HPSE2: variants seen among roughly 807,000 people sequenced by gnomAD.
HPSE2 encodes the protein heparanase 2 (inactive), also known as inactive heparanase-2.
A neutral mutation model predicts 60.5 loss-of-function variants in HPSE2; 38 were observed. The observed-to-expected ratio is 0.63, with a 90% CI of 0.48 to 0.82. The LOEUF (loss-of-function observed/expected upper bound fraction) is 0.82, where lower values mean the gene tolerates loss of function less well. HPSE2 is among the 40% of genes least tolerant of loss of function. The pLI, the probability that HPSE2 is intolerant of heterozygous loss-of-function variation, is 0.00. For synonymous variants in HPSE2, 295 were observed against 293.2 expected (o/e 1.01, Z -0.06); for missense variants, 713 against 740.4 (o/e 0.96, Z 0.43).
intron 9 of HPSE2, among the ~76,000 whole-genome samples, chr10:98,510,529 G>A (rs570491670): frequency 1.2e-4 from 18 of 152,312 alleles, no homozygotes; most frequent in Non-Finnish European, 2.5e-4. Context: ...ATGGAGGTGT[G>A]ATCAGGCTTG....
At chr10:98,542,208 G>A (rs1033220743) in intron 9 of HPSE2, among the ~76,000 whole-genome samples, 21 of 152,122 alleles carry the variant, frequency 1.4e-4, no homozygotes, top group African/African-American at 3.4e-4. Context: ...GCTGATACCC[G>A]GGCAAACAGG....
intron 9 of HPSE2, among the ~76,000 whole-genome samples, chr10:98,573,019 A>G (rs1291582651): frequency 6.6e-6 from 1 of 152,212 alleles, no homozygotes; most frequent in Non-Finnish European, 1.5e-5. Flanking sequence ...TAAAATACAC[A>G]GATTACAGCA....
At chr10:98,854,851 A>G (rs1952270335) in intron 3 of HPSE2, among the ~76,000 whole-genome samples, 1 of 152,190 alleles carries the variant, frequency 6.6e-6, no homozygotes, top group Non-Finnish European at 1.5e-5. Flanking sequence ...CATCATATTT[A>G]CCTATAATAA....
At chr10:98,519,377 T>A (rs1942711354) in intron 9 of HPSE2, among the ~76,000 whole-genome samples, 1 of 152,222 alleles carries the variant, frequency 6.6e-6, no homozygotes. Flanking sequence ...CACTGACACA[T>A]CCTTTGGATG....
chr10:99,043,727 A>G (rs1054726563), intron 3 of HPSE2, among the ~76,000 whole-genome samples: 1 of 152,210 alleles, frequency 6.6e-6, no homozygotes, highest in Non-Finnish European at 1.5e-5. Flanking sequence ...TAATACAATC[A>G]GAAGCATTAA....
chr10:99,019,090 G>A (rs940457352), intron 3 of HPSE2, among the ~76,000 whole-genome samples: 2 of 152,180 alleles, frequency 1.3e-5, no homozygotes, highest in Non-Finnish European at 2.9e-5. Flanking sequence ...CCTGCTGGAT[G>A]ACAGCAGAAT....
intron 3 of HPSE2, among the ~76,000 whole-genome samples, chr10:98,984,393 G>A (rs1956285119): frequency 1.3e-5 from 2 of 152,156 alleles, no homozygotes; most frequent in African/African-American, 4.8e-5. Flanking sequence ...ATCTGGAGTG[G>A]ACCTCCAGCA....
At chr10:98,590,901 A>AT (rs774477068) in intron 9 of HPSE2, among the ~76,000 whole-genome samples, 1 of 152,108 alleles carries the variant, frequency 6.6e-6, no homozygotes, top group Admixed American at 6.5e-5. Flanking sequence ...AGATGGAAAG[A>AT]TTTTTTTAAA....
At chr10:98,958,996 T>C (rs147732560) in intron 3 of HPSE2, among the ~76,000 whole-genome samples, 134 of 152,180 alleles carry the variant, frequency 8.8e-4, no homozygotes, top group African/African-American at 3.0e-3. Context: ...GAAAAATATC[T>C]ATTTTAAAGA....
intron 7 of HPSE2, among the ~76,000 whole-genome samples, chr10:98,640,612 TTTA>T (rs1246748964): frequency 2.6e-5 from 4 of 152,226 alleles, no homozygotes; most frequent in Non-Finnish European, 4.4e-5. Context: ...CATTTGTCTA[TTTA>T]TTAATTCATC....
chr10:98,781,140 CT>C lies in HPSE2; in HGVS notation c.611-37085del, dbSNP rs1950456245. On this transcript the variant is annotated intron_variant, in intron 3 of 11. Transcript: ENST00000370552. The stretch of plus-strand genomic sequence containing the variant: ...AGACTTATTCTGAACAAAAGCTAAA[CT>C]TTTGTTGGGCTAAACCACTAACATC... Among the ~76,000 whole-genome samples the C allele has an allele frequency of 2.0e-5, 3 of 152,192 alleles. No individual in the cohort carries two copies. In the South Asian group the frequency reaches 6.2e-4, roughly 32 times the overall value.
intron 3 of HPSE2, among the ~76,000 whole-genome samples, chr10:98,792,781 C>T (rs550814459): frequency 3.3e-5 from 5 of 152,224 alleles, no homozygotes; most frequent in South Asian, 4.1e-4. Context: ...AAGTACACCA[C>T]GAAGACTGGC....
chr10:99,192,100 G>A (rs1848241792), intron 2 of HPSE2, among the ~76,000 whole-genome samples: 1 of 152,052 alleles, frequency 6.6e-6, no homozygotes, highest in Admixed American at 6.6e-5. Context: ...ATACCTATAA[G>A]ACCAAGAATA....
chr10:98,782,920 T>A (rs367914284), intron 3 of HPSE2, among the ~76,000 whole-genome samples: 85 of 42,856 alleles, frequency 2.0e-3, no homozygotes, highest in African/African-American at 3.7e-3. Context: ...TTATTTTTTT[T>A]TTTTTATTTT....
intron 4 of HPSE2, among the ~76,000 whole-genome samples, chr10:98,739,475 A>G (rs1173629799): frequency 6.6e-6 from 1 of 151,896 alleles, no homozygotes; most frequent in Non-Finnish European, 1.5e-5. Flanking sequence ...AGAAAAAAAG[A>G]AAAAAAAGTA....
At chr10:98,872,598 C>G (rs1210430362) in intron 3 of HPSE2, among the ~76,000 whole-genome samples, 1 of 152,026 alleles carries the variant, frequency 6.6e-6, no homozygotes, top group African/African-American at 2.4e-5. Context: ...GCTAGTTATA[C>G]TTTTTAATCC....
At chr10:99,252,522 C>T in the HPSE2 span, among the ~76,000 whole-genome samples, 4 of 152,088 alleles carry the variant, frequency 2.6e-5, no homozygotes, top group South Asian at 2.1e-4. Context: ...TTTTTATACA[C>T]CAATAATGTT....
chr10:98,509,954 GACAC>G (rs147354591), intron 9 of HPSE2, among the ~76,000 whole-genome samples: 1 of 150,328 alleles, frequency 6.7e-6, no homozygotes, highest in African/African-American at 2.4e-5. Context: ...CTCTGCCAGG[GACAC>G]ACACACACAC....
chr10:98,751,787 A>G (rs1949764084), intron 3 of HPSE2, among the ~76,000 whole-genome samples: 1 of 152,200 alleles, frequency 6.6e-6, no homozygotes, highest in Non-Finnish European at 1.5e-5. Flanking sequence ...ATGCAATGGA[A>G]AGGGGCCTAT....
Sources: allele counts gnomAD v4.1 joint callset (sites outside exome capture counted in the v4.1 genomes callset), GRCh38; gene constraint gnomAD v4.1.1; transcripts MANE v1.5; gene names NCBI Gene and HGNC (gene_info 2026-07-23, HGNC 2026-07-21).